Variants in MCM5 observed in about 807,000 individuals in gnomAD.
The protein encoded by MCM5 is minichromosome maintenance complex component 5, also known as DNA replication licensing factor MCM5.
MCM5 carries 46 observed loss-of-function variants against 79.9 expected under a neutral mutation model. The observed-to-expected ratio is 0.58, with a 90% CI of 0.45 to 0.74. The LOEUF (loss-of-function observed/expected upper bound fraction) is 0.74, where lower values mean the gene tolerates loss of function less well. MCM5 is among the 30% of genes least tolerant of loss of function. The pLI, the probability that MCM5 is intolerant of heterozygous loss-of-function variation, is 0.00. For synonymous variants in MCM5, 404 were observed against 390.5 expected, an observed-to-expected ratio of 1.03 and a Z score of -0.41; for missense variants, 883 against 1,017.0, an observed-to-expected ratio of 0.87 and a Z score of 1.79.
chr22:35,408,229 G>A (rs1471045805), intron 5 of MCM5, among the ~76,000 whole-genome samples, 179 bp from the exon 6 acceptor site: 4 of 152,206 alleles, frequency 2.6e-5, no homozygotes, highest in African/African-American at 9.6e-5. Context: ...AGGTCCGTCA[G>A]TGTTGCCTTC....
rs1372734513 is a variant in MCM5 at position 35,421,299 on chromosome 22, C to T, written c.1833-19C>T. 1 of 1,609,204 alleles carries T rather than the reference C, an allele frequency of 6.2e-7. No individual in the cohort carries two copies. Among genetic ancestry groups the T allele is most frequent in the Non-Finnish European group, 8.5e-7 (1 of 1,178,122 alleles). ...AATAGCGGACCGAGGCTACCCTGAG[C>T]ACGCTGTTGCCCCCACAGGCAGCTG... On this transcript the variant is annotated intron_variant, in intron 14 of 16. Coordinates refer to ENST00000216122, the MANE Select transcript of MCM5 (RefSeq NM_006739.4).
intron 14 of MCM5, 71 bp from the exon 15 acceptor site, chr22:35,421,247 G>A: frequency 1.3e-6 from 2 of 1,521,892 alleles, no homozygotes; most frequent in Middle Eastern, 2.3e-4. Context: ...GCACCTCCCT[G>A]GTAACGGGCT....
chr22:35,421,259 GC>G, intron 14 of MCM5, 58 bp from the exon 15 acceptor site: 1 of 1,562,838 alleles, frequency 6.4e-7, no homozygotes, highest in Non-Finnish European at 8.7e-7. Context: ...TAACGGGCTG[GC>G]TGGGGAGGAA....
chr22:35,414,118 G>A (rs1306203100), intron 9 of MCM5, 132 bp downstream of exon 9: 4 of 634,246 alleles, frequency 6.3e-6, no homozygotes, highest in South Asian at 1.8e-5. Flanking sequence ...TCTTGGCTGC[G>A]GTCAGGATGG....
rs1221365499 is a variant in MCM5, at chr22:35,424,883, T to G, written c.*628T>G. On this transcript the variant is annotated 3_prime_UTR_variant, in exon 17 of 17. Coordinates refer to ENST00000216122, the MANE Select transcript of MCM5 (RefSeq NM_006739.4). ...GTTTCCTTATCTGTAAGCAGGCTGA[T>G]ACTAGAACCTGCTTCACAGGGTTGT... is the stretch of plus-strand genomic sequence containing the variant. The G allele has an allele frequency of 2.6e-5, 4 of 152,302 alleles. No homozygotes were observed. The highest frequency in any genetic ancestry group is 5.9e-5 in the Non-Finnish European group (4 of 68,066). The allele number at this position is 152,302 out of a possible 1,614,324, so 9.4% of individuals were successfully genotyped here.
the MCM5 span, among the ~76,000 whole-genome samples, chr22:35,448,232 T>G: frequency 6.6e-6 from 1 of 152,200 alleles, no homozygotes; most frequent in African/African-American, 2.4e-5. Flanking sequence ...ACAGTGGTCA[T>G]GAGGATCGAA....
intron 2 of MCM5, among the ~76,000 whole-genome samples, chr22:35,401,987 T>A (rs781107461): frequency 6.4e-4 from 97 of 152,348 alleles, no homozygotes; most frequent in Admixed American, 3.4e-3. Context: ...GCCATTTTAC[T>A]GGCTCCTGGA....
rs531343719 is a variant in MCM5, at chr22:35,424,253, T to C, written c.2203T>C (p.Ter735ArgextTer102). The part of the protein sequence containing the change: ...MQRKVLYRLK[*>R] ...GCGCAAGGTTCTCTACCGCCTCAAG[T>C]GAGTCGCGCCGCCTCACTGGACTCA... The change falls in exon 17 of 17, where the codon TGA becomes CGA. Residue 735 changes from the stop codon to arginine, a stop_lost. Coordinates refer to ENST00000216122, the MANE Select transcript of MCM5 (RefSeq NM_006739.4). 6.5e-7 allele frequency: 1 copy of C among 1,542,904 alleles called. No individual in the cohort carries two copies. The highest frequency in any genetic ancestry group is 2.5e-5 in the East Asian group (1 of 40,414).
At chr22:35,401,050 C>A (rs1932031959) in intron 2 of MCM5, among the ~76,000 whole-genome samples, 1 of 152,182 alleles carries the variant, frequency 6.6e-6, no homozygotes, top group African/African-American at 2.4e-5. Context: ...GAACTCCTGA[C>A]CTCAAGTGAT....
At chr22:35,415,437 AGAC>A (rs1395209851) in intron 9 of MCM5, among the ~76,000 whole-genome samples, 8 of 151,776 alleles carry the variant, frequency 5.3e-5, no homozygotes, top group Non-Finnish European at 1.5e-5. Context: ...GTCTATATAG[AGAC>A]GACAAGGGAC....
At chr22:35,419,816 G>A in intron 13 of MCM5, 68 bp from the exon 14 acceptor site, 1 of 1,502,458 alleles carries the variant, frequency 6.7e-7, no homozygotes. Context: ...GCAGGGGGCT[G>A]GGGGAAAGGG....
downstream of MCM5, among the ~76,000 whole-genome samples, chr22:35,429,099 C>CTT (rs1932796853): frequency 6.7e-6 from 1 of 148,214 alleles, no homozygotes; most frequent in African/African-American, 2.5e-5. Context: ...AATTCTCCTG[C>CTT]CTCAGCCTCC....
chr22:35,426,995 C>T (rs1932783063), downstream of MCM5, among the ~76,000 whole-genome samples: 1 of 152,184 alleles, frequency 6.6e-6, no homozygotes, highest in African/African-American at 2.4e-5. Flanking sequence ...TTCACAGATA[C>T]CACCTCTGTT....
downstream of MCM5, among the ~76,000 whole-genome samples, chr22:35,428,694 A>G (rs1276424503): frequency 6.6e-6 from 1 of 152,122 alleles, no homozygotes; most frequent in East Asian, 1.9e-4. Context: ...GAGGCAACCC[A>G]GCATCTGTTG....
At position 35,424,389 on chromosome 22, in the gene MCM5, C is replaced by T; in HGVS notation, c.*134C>T. ...AACTTCCCAGGCACCCTCCTTTCTGCCCCAGAGGAAGGAGCTGTAGTGTCC... is the reference window on the plus strand; with the variant it reads ...AACTTCCCAGGCACCCTCCTTTCTGTCCCAGAGGAAGGAGCTGTAGTGTCC... On this transcript the variant is annotated 3_prime_UTR_variant, in exon 17 of 17. Transcript: ENST00000216122. 2 of 662,190 alleles carry T rather than the reference C, an allele frequency of 3.0e-6. No individual in the cohort carries two copies. Among genetic ancestry groups the T allele is most frequent in the Non-Finnish European group, 5.1e-6 (2 of 393,568 alleles). 41.0% of individuals were successfully genotyped at this position (662,190 alleles called of 1,614,324 possible). A position where few individuals can be genotyped will look rare whatever the true frequency, so the allele number is the denominator to read the frequency against.
chr22:35,408,725 C>T (rs1266784831), intron 6 of MCM5, among the ~76,000 whole-genome samples, 162 bp downstream of exon 6: 2 of 152,242 alleles, frequency 1.3e-5, no homozygotes, highest in Non-Finnish European at 2.9e-5. Context: ...TCCATAAGTT[C>T]CTCTCATCTC....
chr22:35,432,746 G>T, the MCM5 span, among the ~76,000 whole-genome samples: 5 of 152,148 alleles, frequency 3.3e-5, no homozygotes, highest in Admixed American at 2.6e-4. Flanking sequence ...GGCTGGAGGA[G>T]AGTGGAGGGG....
At chr22:35,434,544 A>G in the MCM5 span, among the ~76,000 whole-genome samples, 1 of 152,238 alleles carries the variant, frequency 6.6e-6, no homozygotes, top group African/African-American at 2.4e-5. Context: ...TCAATTGGTC[A>G]GGTCCAGATC....
intron 13 of MCM5, 46 bp from the exon 14 acceptor site, chr22:35,419,836 TAA>T (rs1392980045): frequency 2.6e-6 from 4 of 1,549,014 alleles, no homozygotes; most frequent in Non-Finnish European, 3.5e-6. Flanking sequence ...GTAGGTGCCC[TAA>T]GAGTCCCTCC....
Sources: gnomAD v4.1 joint callset for allele counts (sites outside exome capture counted in the v4.1 genomes callset) on GRCh38, gnomAD v4.1.1 for gene constraint, MANE v1.5 for transcripts, NCBI Gene and HGNC (gene_info 2026-07-23, HGNC 2026-07-21) for gene names.